Variants in MAP4K3 observed in about 807,000 individuals in gnomAD.
MAP4K3 encodes MAPK/ERK kinase kinase kinase 3.
Under a neutral mutation model 143.5 loss-of-function variants are expected in MAP4K3, and 94 were observed. The observed-to-expected ratio is 0.65, with a 90% confidence interval of 0.55 to 0.78. MAP4K3 has a LOEUF of 0.78. Ranked by LOEUF, MAP4K3 falls within the 30% of genes least tolerant of loss-of-function variation. MAP4K3 has a pLI of 0.00. For synonymous variants in MAP4K3, 416 were observed against 347.2 expected, an observed-to-expected ratio of 1.20 and a Z score of -2.20; for missense variants, 1,077 against 1,068.1, an observed-to-expected ratio of 1.01 and a Z score of -0.12.
chr2:39,370,283 T>C (rs550244077), intron 2 of MAP4K3, among the ~76,000 whole-genome samples: 1 of 152,274 alleles, frequency 6.6e-6, no homozygotes, highest in South Asian at 2.1e-4. Flanking sequence ...TGATTAACCT[T>C]TGAAGAATAA....
At chr2:39,314,427 C>T (rs1683047141) in intron 13 of MAP4K3, among the ~76,000 whole-genome samples, 1 of 152,246 alleles carries the variant, frequency 6.6e-6, no homozygotes, top group African/African-American at 2.4e-5. Flanking sequence ...GCTAAGGATG[C>T]CATTTTCGGA....
chr2:39,302,155 T>TG (rs1682539505), intron 15 of MAP4K3, among the ~76,000 whole-genome samples: 1 of 152,108 alleles, frequency 6.6e-6, no homozygotes, highest in South Asian at 2.1e-4. Context: ...CATAGGCTCA[T>TG]ATAGAGAATA....
chr2:39,436,150 C>T (rs73924017), intron 1 of MAP4K3, among the ~76,000 whole-genome samples: 2,377 of 152,256 alleles, frequency 0.016, 65 homozygotes, highest in African/African-American at 0.054. Flanking sequence ...TATCTTCCCA[C>T]ATTTAGAAGT....
At chr2:39,267,415 G>C in intron 26 of MAP4K3, 168 bp from the exon 27 acceptor site, 1 of 594,870 alleles carries the variant, frequency 1.7e-6, no homozygotes. Context: ...CACGTTGCCT[G>C]TAATCCCAGC....
intron 16 of MAP4K3, among the ~76,000 whole-genome samples, chr2:39,295,561 A>C (rs770426421): frequency 6.6e-6 from 1 of 152,086 alleles, no homozygotes; most frequent in Non-Finnish European, 1.5e-5. Flanking sequence ...GCTTTTATGT[A>C]ATTTTAGATG....
At chr2:39,352,987 G>C (rs1422396230) in intron 3 of MAP4K3, among the ~76,000 whole-genome samples, 1 of 152,146 alleles carries the variant, frequency 6.6e-6, no homozygotes, top group East Asian at 1.9e-4. Flanking sequence ...ATCCTCCTTT[G>C]TAAAGTCATT....
intron 1 of MAP4K3, among the ~76,000 whole-genome samples, chr2:39,390,119 C>A (rs912682179): frequency 6.6e-6 from 1 of 151,876 alleles, no homozygotes; most frequent in Non-Finnish European, 1.5e-5. Flanking sequence ...GGATACTAAC[C>A]CCATAAAAAT....
At chr2:39,419,697 G>A (rs1288475703) in intron 1 of MAP4K3, among the ~76,000 whole-genome samples, 1 of 152,258 alleles carries the variant, frequency 6.6e-6, no homozygotes, top group East Asian at 1.9e-4. Context: ...TAACATCACA[G>A]CACTAACCAG....
chr2:39,262,691 G>C (rs1311488234), intron 28 of MAP4K3, among the ~76,000 whole-genome samples: 1 of 152,118 alleles, frequency 6.6e-6, no homozygotes, highest in African/African-American at 2.4e-5. Flanking sequence ...TTGTCCTCGA[G>C]GGCAGCAATT....
intron 1 of MAP4K3, among the ~76,000 whole-genome samples, chr2:39,383,516 G>A (rs1165944934): frequency 6.6e-6 from 1 of 152,106 alleles, no homozygotes; most frequent in East Asian, 1.9e-4. Flanking sequence ...CACTAGGTAT[G>A]TGTCCACTAC....
intron 3 of MAP4K3, among the ~76,000 whole-genome samples, chr2:39,354,521 G>C (rs1194259834): frequency 1.3e-5 from 2 of 151,984 alleles, no homozygotes; most frequent in Non-Finnish European, 2.9e-5. Flanking sequence ...GGGAAGCTGA[G>C]GCAGGAGAAT....
intron 3 of MAP4K3, among the ~76,000 whole-genome samples, chr2:39,354,739 A>G (rs958930549): frequency 6.6e-6 from 1 of 152,172 alleles, no homozygotes; most frequent in Non-Finnish European, 1.5e-5. Flanking sequence ...AAGCTGTACA[A>G]GAGTGGTTAC....
intron 16 of MAP4K3, among the ~76,000 whole-genome samples, chr2:39,297,093 A>G (rs1682312418): frequency 6.6e-6 from 1 of 152,120 alleles, no homozygotes; most frequent in African/African-American, 2.4e-5. Context: ...AAATTAAAAC[A>G]AAACATAAAT....
intron 1 of MAP4K3, among the ~76,000 whole-genome samples, chr2:39,383,568 A>T (rs557697636): frequency 6.6e-6 from 1 of 152,138 alleles, no homozygotes; most frequent in South Asian, 2.1e-4. Context: ...AGTGACATAC[A>T]TCCCTGGTTT....
intron 1 of MAP4K3, among the ~76,000 whole-genome samples, chr2:39,419,243 T>TAAAAAAAAACTAGATCC (rs1667479778): frequency 6.6e-6 from 1 of 151,288 alleles, no homozygotes. Context: ...ACAATAGTGT[T>TAAAAAAAAACTAGATCC]AAAAAAAAAC....
intron 1 of MAP4K3, among the ~76,000 whole-genome samples, chr2:39,427,230 G>T (rs1253471752): frequency 6.6e-6 from 1 of 151,956 alleles, no homozygotes; most frequent in Non-Finnish European, 1.5e-5. Context: ...ACTAAACTAT[G>T]ATTTAAAAGT....
chr2:39,395,115 TA>T (rs930046429), intron 1 of MAP4K3, among the ~76,000 whole-genome samples: 1 of 151,736 alleles, frequency 6.6e-6, no homozygotes, highest in Non-Finnish European at 1.5e-5. Flanking sequence ...CCAGTTTAAT[TA>T]AAAAAAAGAG....
intron 6 of MAP4K3, 44 bp downstream of exon 6, chr2:39,336,876 T>C: frequency 1.2e-6 from 1 of 864,548 alleles, no homozygotes; most frequent in South Asian, 2.1e-5. Context: ...TCAGAGTATT[T>C]AAAAATGAAG....
chr2:39,266,882 G>C (rs1205108858), intron 27 of MAP4K3, among the ~76,000 whole-genome samples: 1 of 143,726 alleles, frequency 7.0e-6, no homozygotes, highest in Middle Eastern at 3.3e-3. Context: ...AGGACCCTTG[G>C]AAAACAGGGT....
Sources: gnomAD v4.1 joint callset for allele counts (sites outside exome capture counted in the v4.1 genomes callset) on GRCh38, gnomAD v4.1.1 for gene constraint, MANE v1.5 for transcripts, NCBI Gene and HGNC (gene_info 2026-07-23, HGNC 2026-07-21) for gene names.